The following STRBP variants were observed in gnomAD, a reference collection of about 807,000 sequenced individuals.
STRBP encodes the protein spermatid perinuclear RNA-binding protein.
A neutral mutation model predicts 80.1 loss-of-function variants in STRBP; 13 were observed. The observed-to-expected ratio is 0.16, with a 90% CI of 0.11 to 0.26. The LOEUF is 0.26. Among genes scored for constraint, STRBP ranks in the 10% least tolerant of loss-of-function variants. The pLI is 1.00. For synonymous variants in STRBP, 284 were observed against 291.2 expected (o/e 0.98, Z 0.25); for missense variants, 485 against 815.2 (o/e 0.59, Z 4.93).
At chr9:123,163,897 T>C (rs184097034) in intron 6 of STRBP, among the ~76,000 whole-genome samples, 19 of 152,268 alleles carry the variant, frequency 1.2e-4, no homozygotes, top group Non-Finnish European at 2.2e-4. Flanking sequence ...TTGGAGTTCT[T>C]AATTAGAAAC....
chr9:123,268,248 G>C (rs1234787027), intron 1 of STRBP, among the ~76,000 whole-genome samples, 188 bp downstream of exon 1: 1 of 149,222 alleles, frequency 6.7e-6, no homozygotes, highest in Non-Finnish European at 1.5e-5. Flanking sequence ...CCACAATGCC[G>C]GAGCCGCGGG....
downstream of STRBP, among the ~76,000 whole-genome samples, chr9:123,118,030 G>A (rs899142910): frequency 2.0e-5 from 3 of 152,126 alleles, no homozygotes; most frequent in African/African-American, 7.2e-5. Flanking sequence ...CAAGTCAGAG[G>A]GCCTAGCTAC....
intron 2 of STRBP, among the ~76,000 whole-genome samples, 181 bp downstream of exon 2, chr9:123,236,649 G>A (rs1351782585): frequency 1.3e-5 from 2 of 149,006 alleles, no homozygotes; most frequent in East Asian, 3.9e-4. Flanking sequence ...AAATTGAATA[G>A]GATTTTCTAA....
chr9:123,145,882 CTTAG>C (rs979761079), intron 13 of STRBP, among the ~76,000 whole-genome samples: 13 of 152,184 alleles, frequency 8.5e-5, no homozygotes, highest in Admixed American at 1.3e-4. Context: ...ATTTTTACAG[CTTAG>C]TTATTGTTTT....
intron 2 of STRBP, among the ~76,000 whole-genome samples, chr9:123,210,174 T>C (rs1468179400): frequency 6.6e-6 from 1 of 152,154 alleles, no homozygotes; most frequent in African/African-American, 2.4e-5. Flanking sequence ...TTTAAATAAG[T>C]GTCAACTATA....
In STRBP at chr9:123,139,582, T is replaced by C. The variant is rs776689675; in HGVS notation, c.1444A>G (p.Asn482Asp). Reference protein sequence around the residue: ...NESKNETVSSNSSNNTGNSTT... With the variant: ...NESKNETVSSDSSNNTGNSTT... ...GAATTTCCAGTATTATTGCTTGAGT[T>C]TGAAGACACTGTTTCATTTTTACTT... Residue 482 changes from asparagine to aspartate, a missense_variant, in exon 14 of 19, where the codon AAC becomes GAC. Around this residue, in one of 3 missense-constraint regions of STRBP, gnomAD observed 377 missense variants for 616.1 expected, o/e 0.61. Transcript: ENST00000348403. The C allele has an allele frequency of 4.3e-6, 7 of 1,613,098 alleles. No homozygotes were observed. The highest frequency in any genetic ancestry group is 3.3e-5 in the South Asian group (3 of 91,002).
At chr9:123,180,925 A>G in intron 3 of STRBP, 1 of 984,900 alleles carries the variant, frequency 1.0e-6, no homozygotes, top group African/African-American at 1.7e-5. Flanking sequence ...TCGCAAACTA[A>G]AACATTCTCA....
At chr9:123,206,279 T>C (rs1037150343) in intron 2 of STRBP, among the ~76,000 whole-genome samples, 7 of 152,228 alleles carry the variant, frequency 4.6e-5, no homozygotes, top group African/African-American at 1.7e-4. Flanking sequence ...TAATCATATT[T>C]TAAATACCGT....
intron 11 of STRBP, among the ~76,000 whole-genome samples, chr9:123,156,432 C>T: frequency 6.6e-6 from 1 of 151,924 alleles, no homozygotes; most frequent in Non-Finnish European, 1.5e-5. Flanking sequence ...GTGTGAGGCA[C>T]TGATTCTCAA....
intron 1 of STRBP, among the ~76,000 whole-genome samples, chr9:123,267,728 A>C (rs1335527311): frequency 8.6e-6 from 1 of 116,314 alleles, no homozygotes; most frequent in Non-Finnish European, 1.7e-5. Context: ...TGGCCTTCCT[A>C]ATACCCGCCC....
At chr9:123,187,748 TCCC>T (rs1588068226) in intron 2 of STRBP, among the ~76,000 whole-genome samples, 2 of 146,206 alleles carry the variant, frequency 1.4e-5, no homozygotes, top group African/African-American at 2.5e-5. Flanking sequence ...ATACCTCTTC[TCCC>T]CACCACCCAC....
At chr9:123,240,224 T>A (rs1324446938) in intron 1 of STRBP, among the ~76,000 whole-genome samples, 1 of 152,236 alleles carries the variant, frequency 6.6e-6, no homozygotes, top group Non-Finnish European at 1.5e-5. Context: ...CTCCTTCAAT[T>A]TAGCATTATG....
chr9:123,115,370 C>G lies in STRBP; in HGVS notation c.*84+559G>C, dbSNP rs1360809909. 6.4e-6 allele frequency: 3 copies of G among 471,098 alleles called. No homozygotes were observed. The highest frequency in any genetic ancestry group is 4.6e-5 in the South Asian group (3 of 64,568). 29.2% of individuals were successfully genotyped at this position (471,098 alleles called of 1,614,324 possible). A position where few individuals can be genotyped will look rare whatever the true frequency, so the allele number is the denominator to read the frequency against. On this transcript the variant is annotated intron_variant and NMD_transcript_variant, in intron 3 of 3. Transcript: ENST00000471564. This position sits in a 1 kb window ranked among gnomAD's most constrained non-coding sequence, Gnocchi z 5.0. ...AGACCTGGGAACGGGCCTGCCAGCG[C>G]CCAGCCCAGGGCTGGCAAGGAGGAT... is the stretch of plus-strand genomic sequence containing the variant.
chr9:123,226,904 C>T (rs1255515852), intron 2 of STRBP, among the ~76,000 whole-genome samples: 2 of 152,110 alleles, frequency 1.3e-5, no homozygotes, highest in African/African-American at 2.4e-5. Flanking sequence ...TCTTGGAAAT[C>T]CAAGACTAAG....
At chr9:123,164,046 GT>G (rs1197115564) in intron 6 of STRBP, among the ~76,000 whole-genome samples, 5 of 151,938 alleles carry the variant, frequency 3.3e-5, no homozygotes, top group Non-Finnish European at 7.4e-5. Flanking sequence ...GCTTGTTTTT[GT>G]TTTGTTTTTT....
chr9:123,232,248 T>C (rs374218727), intron 2 of STRBP, among the ~76,000 whole-genome samples: 2 of 152,052 alleles, frequency 1.3e-5, no homozygotes, highest in African/African-American at 4.8e-5. Flanking sequence ...GAGGCGGAGG[T>C]TGCAGTGAGC....
intron 1 of STRBP, among the ~76,000 whole-genome samples, chr9:123,245,224 T>C (rs975754987): frequency 1.6e-4 from 25 of 152,218 alleles, no homozygotes; most frequent in Non-Finnish European, 3.5e-4. Context: ...AACCAAATTT[T>C]TCCCCTTGAG....
chr9:123,240,602 C>T (rs1372084222), intron 1 of STRBP, among the ~76,000 whole-genome samples: 1 of 152,176 alleles, frequency 6.6e-6, no homozygotes, highest in African/African-American at 2.4e-5. Context: ...ATATCCTTAT[C>T]TTTCTATAAC....
intron 1 of STRBP, among the ~76,000 whole-genome samples, chr9:123,242,722 G>A (rs2132610443): frequency 6.6e-6 from 1 of 152,146 alleles, no homozygotes; most frequent in African/African-American, 2.4e-5. Flanking sequence ...TATTAATTAT[G>A]GTTTTTAACA....
Sources: allele counts gnomAD v4.1 joint callset (sites outside exome capture counted in the v4.1 genomes callset), GRCh38; gene constraint gnomAD v4.1.1; regional missense constraint gnomAD v4.1.1; non-coding constraint Gnocchi (gnomAD v3.1); transcripts MANE v1.5; gene names NCBI Gene and HGNC (gene_info 2026-07-23, HGNC 2026-07-21).